ATF6: variants seen among roughly 807,000 people sequenced by gnomAD.
The protein encoded by ATF6 is cyclic AMP-dependent transcription factor ATF-6 alpha.
A neutral mutation model predicts 83.6 loss-of-function variants in ATF6; 53 were observed. That is an observed-to-expected ratio of 0.63 (90% CI 0.51 to 0.80). The LOEUF is 0.80. Ranked by LOEUF, ATF6 falls within the 30% of genes least tolerant of loss-of-function variation. The pLI, the probability that ATF6 is intolerant of heterozygous loss-of-function variation, is 0.00. For synonymous variants in ATF6, 288 were observed against 285.8 expected (o/e 1.01, Z -0.08); for missense variants, 744 against 797.9 (o/e 0.93, Z 0.81).
intron 9 of ATF6, chr1:161,840,132 C>T (rs1571178907): frequency 6.6e-6 from 1 of 152,344 alleles, no homozygotes; most frequent in Admixed American, 6.5e-5. Context: ...CATGTTCCAT[C>T]TGTTGTCTCA....
chr1:161,911,316 T>A (rs1319615433), intron 14 of ATF6, among the ~76,000 whole-genome samples: 1 of 152,194 alleles, frequency 6.6e-6, no homozygotes, highest in Admixed American at 6.5e-5. Context: ...AGTTCATATG[T>A]TTTTGCTAGG....
chr1:161,885,767 C>T (rs116271928), intron 14 of ATF6, among the ~76,000 whole-genome samples: 137 of 151,990 alleles, frequency 9.0e-4, no homozygotes, highest in African/African-American at 3.1e-3. Context: ...CTACCATAGA[C>T]GGTATAAAGA....
At chr1:161,825,915 A>G (rs1685884571) in intron 9 of ATF6, among the ~76,000 whole-genome samples, 1 of 152,112 alleles carries the variant, frequency 6.6e-6, no homozygotes, top group Non-Finnish European at 1.5e-5. Context: ...TCCAAGAGTC[A>G]CCTCATTAGC....
intron 15 of ATF6, among the ~76,000 whole-genome samples, chr1:161,925,757 A>G (rs1426812918): frequency 2.0e-5 from 3 of 152,226 alleles, no homozygotes; most frequent in African/African-American, 4.8e-5. Flanking sequence ...TGAAGTATCT[A>G]TATAAGCCAG....
At chr1:161,916,563 A>G (rs544462848) in intron 15 of ATF6, among the ~76,000 whole-genome samples, 2 of 152,354 alleles carry the variant, frequency 1.3e-5, no homozygotes, top group South Asian at 2.1e-4. Context: ...AGTTCAATGT[A>G]TAGCATATAT....
intron 1 of ATF6, among the ~76,000 whole-genome samples, chr1:161,777,155 G>A (rs1433163519): frequency 3.3e-5 from 5 of 152,122 alleles, no homozygotes; most frequent in South Asian, 2.1e-4. Context: ...TATGTGGAGC[G>A]GGGAGCTTGA....
intron 7 of ATF6, among the ~76,000 whole-genome samples, chr1:161,811,083 T>C (rs1685443466): frequency 6.6e-6 from 1 of 152,238 alleles, no homozygotes; most frequent in Non-Finnish European, 1.5e-5. Context: ...ATGTACATTT[T>C]CACAGTCTTT....
At chr1:161,836,283 A>G (rs758770270) in intron 9 of ATF6, among the ~76,000 whole-genome samples, 1 of 152,196 alleles carries the variant, frequency 6.6e-6, no homozygotes, top group African/African-American at 2.4e-5. Context: ...GTTGTTGAGC[A>G]CATTTCGCCA....
intron 14 of ATF6, among the ~76,000 whole-genome samples, chr1:161,892,628 C>CTTTTTTTT (rs773642361): frequency 1.2e-4 from 15 of 124,676 alleles, no homozygotes; most frequent in East Asian, 4.7e-4. Context: ...ACAGGTCATT[C>CTTTTTTTT]TTTTTTTTTT....
intron 15 of ATF6, among the ~76,000 whole-genome samples, chr1:161,915,576 T>C (rs1228309519): frequency 6.6e-6 from 1 of 152,132 alleles, no homozygotes; most frequent in Non-Finnish European, 1.5e-5. Context: ...TCGTCTTTTA[T>C]ACAGTTTCTT....
chr1:161,927,590 C>A (rs370536537), intron 15 of ATF6, among the ~76,000 whole-genome samples: 12 of 152,288 alleles, frequency 7.9e-5, no homozygotes, highest in African/African-American at 2.9e-4. Context: ...TCTTGAAAGA[C>A]CAACTCATCC....
intron 14 of ATF6, among the ~76,000 whole-genome samples, chr1:161,903,673 C>T (rs928273843): frequency 1.7e-4 from 26 of 152,002 alleles, no homozygotes; most frequent in Middle Eastern, 3.2e-3. Flanking sequence ...TATAAACAAT[C>T]GGTGCAATAG....
intron 15 of ATF6, among the ~76,000 whole-genome samples, chr1:161,932,206 AT>A (rs1018073811): frequency 1.3e-5 from 2 of 151,818 alleles, no homozygotes; most frequent in Non-Finnish European, 2.9e-5. Context: ...AATGCAAGTT[AT>A]TTTTTTTGAC....
chr1:161,909,911 G>C (rs1350988671), intron 14 of ATF6, among the ~76,000 whole-genome samples: 1 of 152,150 alleles, frequency 6.6e-6, no homozygotes, highest in Non-Finnish European at 1.5e-5. Context: ...AATGGAGATC[G>C]TGCCACTGCA....
chr1:161,906,777 T>A (rs1687884886), intron 14 of ATF6, among the ~76,000 whole-genome samples: 1 of 152,202 alleles, frequency 6.6e-6, no homozygotes, highest in Non-Finnish European at 1.5e-5. Context: ...AGATGCAAGC[T>A]TTATATTTCC....
chr1:161,769,339 TC>T (rs1294187884), intron 1 of ATF6, among the ~76,000 whole-genome samples: 1 of 152,236 alleles, frequency 6.6e-6, no homozygotes, highest in Non-Finnish European at 1.5e-5. Context: ...CCCCAGCTTC[TC>T]CTATTGGTAA....
At chr1:161,945,459 A>G (rs1688729803) in intron 15 of ATF6, among the ~76,000 whole-genome samples, 1 of 152,122 alleles carries the variant, frequency 6.6e-6, no homozygotes, top group Admixed American at 6.6e-5. Flanking sequence ...ATTTACCATA[A>G]TCATCACTGT....
intron 15 of ATF6, among the ~76,000 whole-genome samples, chr1:161,917,033 A>G (rs1688114924): frequency 6.6e-6 from 1 of 152,134 alleles, no homozygotes; most frequent in South Asian, 2.1e-4. Context: ...CTCTTCTGTC[A>G]GGATGGAATC....
At chr1:161,807,724 G>A (rs1400324768) in intron 7 of ATF6, among the ~76,000 whole-genome samples, 2 of 152,106 alleles carry the variant, frequency 1.3e-5, no homozygotes, top group African/African-American at 2.4e-5. Context: ...TGAGGTTACA[G>A]TAGCTTTGGA....
Sources: allele counts gnomAD v4.1 joint callset (sites outside exome capture counted in the v4.1 genomes callset), GRCh38; gene constraint gnomAD v4.1.1; transcripts MANE v1.5; gene names NCBI Gene and HGNC (gene_info 2026-07-23, HGNC 2026-07-21).